The following AGPS variants were observed in gnomAD, a reference collection of about 807,000 sequenced individuals.
AGPS encodes the protein alkyldihydroxyacetonephosphate synthase, peroxisomal.
In AGPS, 26 loss-of-function variants were observed where a neutral mutation model predicts 90.7. The ratio of observed to expected loss-of-function variants is 0.29; its 90% CI spans 0.21 to 0.40. The LOEUF (loss-of-function observed/expected upper bound fraction) is 0.40, where lower values mean the gene tolerates loss of function less well. AGPS is among the 10% of genes least tolerant of loss of function. The pLI, the probability that AGPS is intolerant of heterozygous loss-of-function variation, is 1.00. For missense variants in AGPS, 540 were observed against 816.1 expected (o/e 0.66, Z 4.12); for synonymous variants, 294 against 285.3 (o/e 1.03, Z -0.31).
At chr2:177,434,076 A>G (rs930571406) in intron 2 of AGPS, among the ~76,000 whole-genome samples, 1 of 152,034 alleles carries the variant, frequency 6.6e-6, no homozygotes, top group Non-Finnish European at 1.5e-5. Flanking sequence ...AAACTTATGA[A>G]CTTATGTAGT....
chr2:177,496,348 T>C (rs1688413121), intron 12 of AGPS, among the ~76,000 whole-genome samples: 1 of 152,202 alleles, frequency 6.6e-6, no homozygotes, highest in Non-Finnish European at 1.5e-5. Context: ...GTATTTCTAA[T>C]TGTTGTTAAT....
chr2:177,449,485 C>T (rs892460583), intron 8 of AGPS, among the ~76,000 whole-genome samples: 8 of 151,856 alleles, frequency 5.3e-5, no homozygotes, highest in East Asian at 2.0e-4. Flanking sequence ...TGCAGTGGCA[C>T]GATCATGGCT....
chr2:177,464,724 T>TA lies in AGPS; in HGVS notation c.996+2707dup, dbSNP rs374070182. ...TGATTACACTTTCTTGTGCTAGTGT[T>TA]ACAGAGCTGAAGCTCATCGCTATTA... On this transcript the variant is annotated intron_variant, in intron 9 of 19. Coordinates refer to ENST00000264167, the MANE Select transcript of AGPS (RefSeq NM_003659.4). Among the ~76,000 whole-genome samples, 485 of 152,382 alleles carry TA rather than the reference T, an allele frequency of 3.2e-3. 4 individuals carry two copies. Among genetic ancestry groups the TA allele is most frequent in the African/African-American group, 0.011 (459 of 41,584 alleles).
At chr2:177,441,934 A>C (rs149876837) in intron 6 of AGPS, among the ~76,000 whole-genome samples, 1 of 152,314 alleles carries the variant, frequency 6.6e-6, no homozygotes, top group East Asian at 1.9e-4. Flanking sequence ...GCTTGTTTCT[A>C]TTCTAATTTA....
chr2:177,509,755 C>CT (rs1017574443), intron 16 of AGPS, among the ~76,000 whole-genome samples: 7 of 151,000 alleles, frequency 4.6e-5, no homozygotes, highest in African/African-American at 1.7e-4. Flanking sequence ...TTATTTTTAA[C>CT]TAAAAATAAA....
chr2:177,513,508 T>A (rs1688939447), intron 16 of AGPS, among the ~76,000 whole-genome samples: 1 of 152,230 alleles, frequency 6.6e-6, no homozygotes, highest in African/African-American at 2.4e-5. Flanking sequence ...TCTTAAAATC[T>A]TATAATCAAA....
rs565843079 is a variant in AGPS at position 177,523,945 on chromosome 2, C to T, written c.1855+140C>T. The stretch of plus-strand genomic sequence containing the variant: ...TAAAGTTTCTATGTCTTTGAAATAG[C>T]TGTTACTGAGGTAGATAGTTAGGTT... On this transcript the variant is annotated intron_variant, in intron 19 of 19. Coordinates refer to ENST00000264167, the MANE Select transcript of AGPS (RefSeq NM_003659.4). 4 of 757,840 alleles carry T rather than the reference C, an allele frequency of 5.3e-6. No homozygotes were observed. In the South Asian group the frequency reaches 6.3e-5, roughly 12 times the overall value. 46.9% of individuals were successfully genotyped at this position (757,840 alleles called of 1,614,324 possible).
chr2:177,422,346 T>G (rs894560954), intron 2 of AGPS, among the ~76,000 whole-genome samples: 2 of 152,176 alleles, frequency 1.3e-5, no homozygotes, highest in African/African-American at 4.8e-5. Context: ...AAAGGAGATT[T>G]GATGGTCTTG....
intron 19 of AGPS, among the ~76,000 whole-genome samples, chr2:177,525,413 T>C (rs1292303703): frequency 1.3e-5 from 2 of 152,206 alleles, no homozygotes; most frequent in Non-Finnish European, 2.9e-5. Flanking sequence ...AGCGAAATGA[T>C]TTAGCCATAA....
intron 5 of AGPS, among the ~76,000 whole-genome samples, chr2:177,437,472 A>G (rs927867340): frequency 6.6e-6 from 1 of 152,154 alleles, no homozygotes; most frequent in Non-Finnish European, 1.5e-5. Context: ...AACAAGTTTT[A>G]TGTATTATGT....
intron 2 of AGPS, among the ~76,000 whole-genome samples, chr2:177,433,376 G>A (rs4893824): frequency 0.76 from 115,408 of 152,128 alleles, 44,028 homozygotes; most frequent in Admixed American, 0.8. Flanking sequence ...TAGAATTTCT[G>A]TTGTGTTCTT....
At chr2:177,400,141 A>T (rs533352337) in intron 1 of AGPS, among the ~76,000 whole-genome samples, 17 of 152,208 alleles carry the variant, frequency 1.1e-4, no homozygotes, top group Non-Finnish European at 1.9e-4. Flanking sequence ...GAATTAATAT[A>T]TTTACTTTTC....
intron 3 of AGPS, among the ~76,000 whole-genome samples, chr2:177,435,000 T>TATATATAA (rs1686358456): frequency 7.0e-6 from 1 of 142,864 alleles, no homozygotes; most frequent in African/African-American, 2.7e-5. Context: ...ACTGTAGGTA[T>TATATATAA]ATATATATAT....
At chr2:177,475,089 A>G (rs1385886340) in intron 10 of AGPS, among the ~76,000 whole-genome samples, 1 of 152,206 alleles carries the variant, frequency 6.6e-6, no homozygotes, top group Non-Finnish European at 1.5e-5. Flanking sequence ...ATAAGAGCAA[A>G]TAGAAGAGAT....
chr2:177,531,967 C>T (rs2079142036), intron 19 of AGPS, among the ~76,000 whole-genome samples: 1 of 151,962 alleles, frequency 6.6e-6, no homozygotes, highest in Non-Finnish European at 1.5e-5. Flanking sequence ...CATACCTATA[C>T]AAAAATTTAA....
At chr2:177,405,371 A>G (rs1200199743) in intron 1 of AGPS, among the ~76,000 whole-genome samples, 1 of 152,262 alleles carries the variant, frequency 6.6e-6, no homozygotes, top group Non-Finnish European at 1.5e-5. Context: ...ATGCATTTAA[A>G]GATGATACAA....
At chr2:177,493,656 T>A (rs1439474831) in intron 12 of AGPS, among the ~76,000 whole-genome samples, 1 of 152,312 alleles carries the variant, frequency 6.6e-6, no homozygotes, top group South Asian at 2.1e-4. Context: ...GTTAGAGTTG[T>A]TACATGAGAT....
rs1319937217 is a variant in AGPS, at chr2:177,498,386, C to CT, written c.1362+628dup. Among the ~76,000 whole-genome samples, 43 of 150,914 alleles carry CT rather than the reference C, an allele frequency of 2.8e-4. 2 individuals carry two copies. In the East Asian group the frequency reaches 7.9e-3, roughly 28 times the overall value. On this transcript the variant is annotated intron_variant, in intron 13 of 19. Transcript: ENST00000264167. ...TTTTTTTCTTGGTACTTTGATGTAT[C>CT]TTTTTTTGAGATTGGAATTATTAGA...
At chr2:177,441,079 T>G in intron 6 of AGPS, 43 bp downstream of exon 6, 1 of 1,419,646 alleles carries the variant, frequency 7.0e-7, no homozygotes, top group Non-Finnish European at 9.9e-7. Flanking sequence ...AAATTTGTTC[T>G]ATTTAAAATA....
Sources: allele counts gnomAD v4.1 joint callset (sites outside exome capture counted in the v4.1 genomes callset), GRCh38; gene constraint gnomAD v4.1.1; transcripts MANE v1.5; gene names NCBI Gene and HGNC (gene_info 2026-07-23, HGNC 2026-07-21).